The following SPINT2 variants were observed in gnomAD, a reference collection of about 807,000 sequenced individuals.
SPINT2 encodes the protein serine peptidase inhibitor, Kunitz type 2, also known as kunitz-type protease inhibitor 2.
A neutral mutation model predicts 30.1 loss-of-function variants in SPINT2; 18 were observed. The observed-to-expected ratio is 0.60, with a 90% CI of 0.41 to 0.89. SPINT2 has a LOEUF of 0.89. SPINT2 is among the 40% of genes least tolerant of loss of function. SPINT2 has a pLI of 0.00. For missense variants in SPINT2, 276 were observed against 334.3 expected, an observed-to-expected ratio of 0.83 and a Z score of 1.36; for synonymous variants, 139 against 137.9, an observed-to-expected ratio of 1.01 and a Z score of -0.05.
At chr19:38,266,540 G>A (rs111915284) in intron 1 of SPINT2, among the ~76,000 whole-genome samples, 30 of 152,200 alleles carry the variant, frequency 2.0e-4, no homozygotes, top group African/African-American at 7.0e-4. Flanking sequence ...GCTGGGCATG[G>A]TGGTGCACAC....
intron 1 of SPINT2, among the ~76,000 whole-genome samples, chr19:38,279,445 C>T (rs577933479): frequency 4.0e-5 from 6 of 151,572 alleles, no homozygotes; most frequent in South Asian, 4.2e-4. Flanking sequence ...TGCAGTGAGC[C>T]GAGATCGCAC....
rs1392680414 is a variant in SPINT2 at position 38,290,068 on chromosome 19, C to T, written c.392-51C>T. ...CTCAGGCACTTTCTGGCTTGCTTCC[C>T]CTCCTTGCGGGCCCTACTAATTTGT... On this transcript the variant is annotated intron_variant, in intron 4 of 6. Coordinates refer to ENST00000301244, the MANE Select transcript of SPINT2 (RefSeq NM_021102.4). This position sits in a 1 kb window ranked among gnomAD's most constrained non-coding sequence, Gnocchi z 4.3. 6.2e-7 allele frequency: 1 copy of T among 1,608,790 alleles called. No homozygotes were observed. Among genetic ancestry groups the T allele is most frequent in the Middle Eastern group, 2.3e-4 (1 of 4,438 alleles).
chr19:38,288,997 A>T (rs1968677455), intron 3 of SPINT2, 141 bp from the exon 4 acceptor site: 1 of 769,556 alleles, frequency 1.3e-6, no homozygotes, highest in South Asian at 1.4e-5. Flanking sequence ...GTGACGTGGC[A>T]GAGCCGGCCA....
chr19:38,289,412 G>A (rs561924751), intron 4 of SPINT2: 1 of 438,416 alleles, frequency 2.3e-6, no homozygotes, highest in Non-Finnish European at 4.3e-6. Flanking sequence ...CAAAGCCTGG[G>A]AGGCGGAGGG....
intron 1 of SPINT2, among the ~76,000 whole-genome samples, chr19:38,281,813 G>GCT: frequency 6.6e-6 from 1 of 152,118 alleles, no homozygotes; most frequent in Non-Finnish European, 1.5e-5. Context: ...TCCAATTTTA[G>GCT]AACATTTTCA....
chr19:38,269,202 A>G (rs75044260), intron 1 of SPINT2, among the ~76,000 whole-genome samples: 2 of 151,766 alleles, frequency 1.3e-5, no homozygotes, highest in African/African-American at 4.8e-5. Context: ...GGTTCACATC[A>G]TTCTCCTGCT....
chr19:38,283,541 C>CT, intron 1 of SPINT2, 86 bp from the exon 2 acceptor site: 1 of 1,558,206 alleles, frequency 6.4e-7, no homozygotes, highest in Admixed American at 1.7e-5. Context: ...TCTGGTTCTC[C>CT]TGGGGGATCC....
At chr19:38,286,295 C>T (rs189284969) in intron 2 of SPINT2, among the ~76,000 whole-genome samples, 33 of 152,280 alleles carry the variant, frequency 2.2e-4, no homozygotes, top group Admixed American at 1.8e-3. Context: ...CCCGGGCCCA[C>T]GCCTTTAGTC....
chr19:38,281,839 C>G (rs1968584657), intron 1 of SPINT2, among the ~76,000 whole-genome samples: 1 of 152,170 alleles, frequency 6.6e-6, no homozygotes, highest in African/African-American at 2.4e-5. Flanking sequence ...CCCTAAAGAT[C>G]CTTTTACCCA....
intron 1 of SPINT2, among the ~76,000 whole-genome samples, chr19:38,272,281 G>A: frequency 6.6e-6 from 1 of 152,160 alleles, no homozygotes; most frequent in East Asian, 1.9e-4. Flanking sequence ...TCTTAAAGGG[G>A]TGGGGGAACA....
chr19:38,264,740 TC>T lies in SPINT2; in HGVS notation c.-151del, dbSNP rs1968355487. ...ACACTGAAGGTCCGGAAAGGCGACT[TC>T]CGGGGGCTTTGGCACCTGGCGGACC... On this transcript the variant is annotated 5_prime_UTR_variant, in exon 1 of 7. Coordinates refer to ENST00000301244, the MANE Select transcript of SPINT2 (RefSeq NM_021102.4). 1.3e-6 allele frequency: 1 copy of T among 764,666 alleles called. No individual in the cohort carries two copies. Among genetic ancestry groups the T allele is most frequent in the South Asian group, 1.7e-5 (1 of 57,424 alleles). 47.4% of individuals were successfully genotyped at this position (764,666 alleles called of 1,614,324 possible).
chr19:38,281,167 T>A (rs1022873944), intron 1 of SPINT2, among the ~76,000 whole-genome samples: 1 of 152,188 alleles, frequency 6.6e-6, no homozygotes, highest in African/African-American at 2.4e-5. Flanking sequence ...CTGGACCTTG[T>A]TGATTATGTG....
At chr19:38,268,766 C>CGCGCGCGTGTGTGTGTGT (rs375982086) in intron 1 of SPINT2, among the ~76,000 whole-genome samples, 59 of 149,920 alleles carry the variant, frequency 3.9e-4, no homozygotes, top group African/African-American at 1.2e-3. Context: ...TGCGCGCGCG[C>CGCGCGCGTGTGTGTGTGT]GTGTGTGTGT....
chr19:38,264,701 G>C lies in SPINT2; in HGVS notation c.-192G>C, dbSNP rs1333209471. 3.3e-6 allele frequency: 2 copies of C among 599,286 alleles called. No individual in the cohort carries two copies. Among genetic ancestry groups the C allele is most frequent in the Non-Finnish European group, 5.8e-6 (2 of 343,800 alleles). The allele number at this position is 599,286 out of a possible 1,614,324, so 37.1% of individuals were successfully genotyped here. A position where few individuals can be genotyped will look rare whatever the true frequency, so the allele number is the denominator to read the frequency against. On this transcript the variant is annotated 5_prime_UTR_variant, in exon 1 of 7. Coordinates refer to ENST00000301244, the MANE Select transcript of SPINT2 (RefSeq NM_021102.4). ...AGACCCAGGCATCGCGCGCCGAGAA[G>C]GCCGGGCGTCCCCACACTGAAGGTC...
chr19:38,270,457 C>A (rs1267432659), intron 1 of SPINT2, among the ~76,000 whole-genome samples: 2 of 152,204 alleles, frequency 1.3e-5, no homozygotes, highest in Non-Finnish European at 2.9e-5. Context: ...CCCCCTCCCC[C>A]ATCCGTGGCA....
chr19:38,264,834 C>G lies in SPINT2; in HGVS notation c.-59C>G, dbSNP rs1671202773. On this transcript the variant is annotated 5_prime_UTR_variant, in exon 1 of 7. Transcript: ENST00000301244. The stretch of plus-strand genomic sequence containing the variant: ...CGTGCGCGTTGAGGGGCTTCCCGCA[C>G]CTGATCGCGAGACCCCAACGGCTGG... 2.7e-6 allele frequency: 4 copies of G among 1,506,088 alleles called. No homozygotes were observed. In the East Asian group the frequency reaches 7.4e-5, roughly 28 times the overall value. The allele number at this position is 1,506,088 out of a possible 1,614,324, so 93.3% of individuals were successfully genotyped here.
intron 2 of SPINT2, among the ~76,000 whole-genome samples, chr19:38,287,608 T>C (rs1408515487): frequency 6.6e-6 from 1 of 151,704 alleles, no homozygotes; most frequent in Non-Finnish European, 1.5e-5. Flanking sequence ...ATTACAGCCA[T>C]GAGCCACCAC....
At chr19:38,268,813 C>T (rs1006693145) in intron 1 of SPINT2, among the ~76,000 whole-genome samples, 4 of 149,774 alleles carry the variant, frequency 2.7e-5, no homozygotes, top group Admixed American at 6.6e-5. Context: ...TTGGGGAAAT[C>T]CTTATATCAG....
chr19:38,268,899 C>T (rs2146265214), intron 1 of SPINT2, among the ~76,000 whole-genome samples: 1 of 151,998 alleles, frequency 6.6e-6, no homozygotes, highest in East Asian at 1.9e-4. Flanking sequence ...TTGGAGGGTC[C>T]TGAAATGTGT....
Sources: allele counts gnomAD v4.1 joint callset (sites outside exome capture counted in the v4.1 genomes callset), GRCh38; gene constraint gnomAD v4.1.1; non-coding constraint Gnocchi (gnomAD v3.1); transcripts MANE v1.5; gene names NCBI Gene and HGNC (gene_info 2026-07-23, HGNC 2026-07-21).